The following NRG3 variants were observed in gnomAD, a reference collection of about 807,000 sequenced individuals.
NRG3 encodes the protein pro-neuregulin-3, membrane-bound isoform.
In NRG3, 31 loss-of-function variants were observed where a neutral mutation model predicts 66.9. That is an observed-to-expected ratio of 0.46 (90% CI 0.35 to 0.63). NRG3 has a LOEUF of 0.63. Among genes scored for constraint, NRG3 ranks in the 20% least tolerant of loss-of-function variants. The probability of loss-of-function intolerance (pLI) is 0.00; values close to 1 mark genes in which losing one functional copy is unlikely to be tolerated. For missense variants in NRG3, 910 were observed against 878.9 expected (o/e 1.04, Z -0.45); for synonymous variants, 393 against 359.4 (o/e 1.09, Z -1.06).
At chr10:82,399,247 T>G (rs1564878847) in intron 2 of NRG3, among the ~76,000 whole-genome samples, 1 of 152,206 alleles carries the variant, frequency 6.6e-6, no homozygotes, top group East Asian at 1.9e-4. Context: ...GATAATTTTT[T>G]TATTTGTTCT....
chr10:82,714,860 T>C (rs1214571804), intron 2 of NRG3, among the ~76,000 whole-genome samples: 1 of 152,238 alleles, frequency 6.6e-6, no homozygotes, highest in Non-Finnish European at 1.5e-5. Flanking sequence ...ATCTATTGAT[T>C]ATTAAAAAGA....
At position 82,646,564 on chromosome 10, in the gene NRG3, G is replaced by C. The variant is rs570548804; in HGVS notation, c.954-92013G>C. Among the ~76,000 whole-genome samples the C allele has an allele frequency of 4.6e-5, 7 of 152,234 alleles. No individual in the cohort carries two copies. The South Asian group carries it at 1.5e-3, about 32-fold the overall frequency. Reference sequence around the variant, plus strand: ...CATTACAGTAAATTACGATGTCGAAGACAAACAAAGCTAGATGTTGGTTAA... The same window carrying C: ...CATTACAGTAAATTACGATGTCGAACACAAACAAAGCTAGATGTTGGTTAA... On this transcript the variant is annotated intron_variant, in intron 2 of 8. Transcript: ENST00000372141.
chr10:82,831,849 G>A lies in NRG3; in HGVS notation c.1028-33562G>A, dbSNP rs2062544175. ...GCTCTAGGGCATGCAGATGGAAAGG[G>A]GTTGCAACAGGTACTGGAGTCAGCA... On this transcript the variant is annotated intron_variant, in intron 3 of 8. Coordinates refer to ENST00000372141, the MANE Select transcript of NRG3 (RefSeq NM_001010848.4). Among the ~76,000 whole-genome samples the A allele has an allele frequency of 2.0e-5, 3 of 151,884 alleles. No homozygotes were observed. The South Asian group carries it at 6.2e-4, about 32-fold the overall frequency.
chr10:82,972,356 G>T (rs1010979037), intron 6 of NRG3, among the ~76,000 whole-genome samples: 1 of 151,810 alleles, frequency 6.6e-6, no homozygotes, highest in Non-Finnish European at 1.5e-5. Context: ...CTCTTTTTAT[G>T]TTCTTTTTCT....
intron 2 of NRG3, among the ~76,000 whole-genome samples, chr10:82,554,408 TTA>T (rs2044516354): frequency 6.6e-6 from 1 of 152,096 alleles, no homozygotes; most frequent in Non-Finnish European, 1.5e-5. Context: ...CATCCAACGA[TTA>T]TGTGTCAATT....
intron 2 of NRG3, among the ~76,000 whole-genome samples, chr10:82,518,788 T>C (rs1225826167): frequency 6.6e-6 from 1 of 152,146 alleles, no homozygotes; most frequent in African/African-American, 2.4e-5. Context: ...TGATCCTTGA[T>C]TTTATCAGCA....
At chr10:82,918,317 T>A (rs1846086161) in intron 4 of NRG3, among the ~76,000 whole-genome samples, 1 of 152,056 alleles carries the variant, frequency 6.6e-6, no homozygotes, top group Non-Finnish European at 1.5e-5. Context: ...TGAGTTTGAA[T>A]CCCCATTCAA....
intron 1 of NRG3, among the ~76,000 whole-genome samples, chr10:82,152,783 C>T (rs924074722): frequency 1.4e-4 from 22 of 151,830 alleles, no homozygotes; most frequent in South Asian, 2.1e-4. Flanking sequence ...TCTTCTCCTT[C>T]TCCTTCTTCT....
At chr10:82,914,750 T>C (rs76834802) in intron 4 of NRG3, among the ~76,000 whole-genome samples, 2 of 102,694 alleles carry the variant, frequency 1.9e-5, no homozygotes, top group Non-Finnish European at 1.9e-5. Context: ...GATTTTTAGC[T>C]TTTTTTTTTT....
intron 2 of NRG3, among the ~76,000 whole-genome samples, chr10:82,464,965 G>A (rs1840542240): frequency 1.3e-5 from 2 of 152,198 alleles, no homozygotes; most frequent in South Asian, 4.1e-4. Context: ...CTGACTTATG[G>A]TCATAGCTGC....
At chr10:82,461,793 A>G (rs1398352514) in intron 2 of NRG3, among the ~76,000 whole-genome samples, 1 of 152,212 alleles carries the variant, frequency 6.6e-6, no homozygotes. Context: ...GCAGTATTCA[A>G]ATGTAAGAGA....
At chr10:82,812,508 G>T (rs2061531557) in intron 3 of NRG3, among the ~76,000 whole-genome samples, 1 of 152,106 alleles carries the variant, frequency 6.6e-6, no homozygotes, top group African/African-American at 2.4e-5. Flanking sequence ...AAATAATACT[G>T]CTTCTATTAA....
At chr10:82,290,439 C>A (rs1026792754) in intron 1 of NRG3, among the ~76,000 whole-genome samples, 2 of 152,138 alleles carry the variant, frequency 1.3e-5, no homozygotes, top group Non-Finnish European at 2.9e-5. Context: ...TGCGAATTAA[C>A]ACTGAAACAA....
At chr10:82,790,533 A>G (rs2060544776) in intron 3 of NRG3, among the ~76,000 whole-genome samples, 1 of 152,094 alleles carries the variant, frequency 6.6e-6, no homozygotes, top group Non-Finnish European at 1.5e-5. Context: ...CAGTTTAATT[A>G]TGATGGGTCT....
chr10:82,976,985 C>T (rs1466757973), intron 7 of NRG3, among the ~76,000 whole-genome samples: 1 of 152,140 alleles, frequency 6.6e-6, no homozygotes, highest in Non-Finnish European at 1.5e-5. Context: ...GAACACTTAT[C>T]ACACTTTTGT....
intron 2 of NRG3, among the ~76,000 whole-genome samples, chr10:82,627,091 CTGACCG>C (rs2049482308): frequency 6.6e-6 from 1 of 151,774 alleles, no homozygotes; most frequent in Non-Finnish European, 1.5e-5. Context: ...GACAACAGTC[CTGACCG>C]ATTTTGGAAA....
chr10:82,949,233 C>G (rs938268219), intron 4 of NRG3, among the ~76,000 whole-genome samples: 1 of 151,902 alleles, frequency 6.6e-6, no homozygotes, highest in Admixed American at 6.6e-5. Context: ...ATAAACCTTA[C>G]TTAGTCATGA....
intron 1 of NRG3, among the ~76,000 whole-genome samples, chr10:82,022,396 G>A (rs138085425): frequency 1.3e-5 from 2 of 152,144 alleles, no homozygotes; most frequent in Admixed American, 6.6e-5. Context: ...TCATGGCTCT[G>A]CTTTCAGTAC....
At position 82,278,357 on chromosome 10, in the gene NRG3, T is replaced by C. The variant is rs144091889; in HGVS notation, c.824-80382T>C. 2.5e-4 allele frequency among the ~76,000 whole-genome samples: 38 copies of C among 152,196 alleles called. No homozygotes were observed. The East Asian group carries it at 6.4e-3, about 26-fold the overall frequency. ...CTTGCTGAGGAATTCTTTGCTTCTT[T>C]AGTGAGTGGTGCTGAATGGAATGTT... On this transcript the variant is annotated intron_variant, in intron 1 of 8. Transcript: ENST00000372141.
Sources: gnomAD v4.1 joint callset for allele counts (sites outside exome capture counted in the v4.1 genomes callset) on GRCh38, gnomAD v4.1.1 for gene constraint, MANE v1.5 for transcripts, NCBI Gene and HGNC (gene_info 2026-07-23, HGNC 2026-07-21) for gene names.